The following NCOR1 variants were observed in gnomAD, a reference collection of about 807,000 sequenced individuals.
The protein encoded by NCOR1 is protein phosphatase 1, regulatory subunit 109.
Under a neutral mutation model 288.1 loss-of-function variants are expected in NCOR1, and 63 were observed. That is an observed-to-expected ratio of 0.22 (90% CI 0.18 to 0.27). The LOEUF (loss-of-function observed/expected upper bound fraction) is 0.27, where lower values mean the gene tolerates loss of function less well. Among genes scored for constraint, NCOR1 ranks in the 10% least tolerant of loss-of-function variants. The probability of loss-of-function intolerance (pLI) is 1.00; values close to 1 mark genes in which losing one functional copy is unlikely to be tolerated. For synonymous variants in NCOR1, 1,007 were observed against 1,065.9 expected (o/e 0.94, Z 1.08); for missense variants, 2,397 against 3,019.2 (o/e 0.79, Z 4.83).
intron 18 of NCOR1, among the ~76,000 whole-genome samples, chr17:16,114,936 ACCC>A (rs2071252515): frequency 6.6e-6 from 1 of 151,540 alleles, no homozygotes; most frequent in Non-Finnish European, 1.5e-5. Flanking sequence ...AGGGAGTCTG[ACCC>A]CCCATTTCCC....
intron 1 of NCOR1, among the ~76,000 whole-genome samples, chr17:16,208,713 G>A (rs1185304487): frequency 6.6e-6 from 1 of 152,006 alleles, no homozygotes; most frequent in East Asian, 1.9e-4. Context: ...ACCAGGTGTG[G>A]TGGCACACAC....
chr17:16,145,079 TTGGTGGAGACGG>T (rs948206580), intron 10 of NCOR1, among the ~76,000 whole-genome samples: 28 of 152,248 alleles, frequency 1.8e-4, no homozygotes, highest in Non-Finnish European at 3.8e-4. Context: ...TTTGTATTTT[TTGGTGGAGACGG>T]GGTTTCGCCG....
chr17:16,183,389 G>C (rs1207076989), intron 3 of NCOR1, among the ~76,000 whole-genome samples: 1 of 150,550 alleles, frequency 6.6e-6, no homozygotes, highest in Admixed American at 6.6e-5. Flanking sequence ...TAGAATAAAT[G>C]AATCCAGTAA....
At chr17:16,148,726 C>T (rs937704845) in intron 9 of NCOR1, among the ~76,000 whole-genome samples, 3 of 123,904 alleles carry the variant, frequency 2.4e-5, no homozygotes, top group Non-Finnish European at 4.8e-5. Context: ...AGTATCTGAT[C>T]AGACTGGCAA....
At position 16,031,466 on chromosome 17, in the gene NCOR1, G is replaced by C; in HGVS notation, c.*830C>G. 1 of 197,968 alleles carries C rather than the reference G, an allele frequency of 5.1e-6. No individual in the cohort carries two copies. Among genetic ancestry groups the C allele is most frequent in the Non-Finnish European group, 1.0e-5 (1 of 95,680 alleles). 12.3% of individuals were successfully genotyped at this position (197,968 alleles called of 1,614,324 possible). ...CTTTGTTGGGCTGCATCAAATGCAG[G>C]AGAAAAGGAATACTTAGGGGCATGG... is the stretch of plus-strand genomic sequence containing the variant. On this transcript the variant is annotated 3_prime_UTR_variant, in exon 46 of 46. Coordinates refer to ENST00000268712, the MANE Select transcript of NCOR1 (RefSeq NM_006311.4).
chr17:16,107,852 G>T (rs1290875293), intron 19 of NCOR1, among the ~76,000 whole-genome samples: 2 of 151,932 alleles, frequency 1.3e-5, no homozygotes, highest in Non-Finnish European at 2.9e-5. Context: ...TAAGGTTAGG[G>T]GTTGTTCAAA....
intron 42 of NCOR1, chr17:16,041,270 G>C (rs1404407346): frequency 6.6e-6 from 1 of 152,212 alleles, no homozygotes; most frequent in Non-Finnish European, 1.5e-5. Flanking sequence ...CAGTGTGCCA[G>C]AAAGGGGAAG....
At chr17:16,150,741 C>T (rs1406818859) in intron 8 of NCOR1, among the ~76,000 whole-genome samples, 1 of 151,208 alleles carries the variant, frequency 6.6e-6, no homozygotes, top group African/African-American at 2.4e-5. Flanking sequence ...CCAACTAGAT[C>T]TTATCTGCTC....
intron 5 of NCOR1, among the ~76,000 whole-genome samples, chr17:16,161,262 C>T (rs1156240613): frequency 6.6e-6 from 1 of 150,454 alleles, no homozygotes; most frequent in Admixed American, 6.6e-5. Flanking sequence ...CACACACACA[C>T]ACACACACAC....
intron 28 of NCOR1, 50 bp from the exon 29 acceptor site, chr17:16,072,278 A>G (rs770588629): frequency 6.2e-6 from 8 of 1,280,894 alleles, no homozygotes; most frequent in East Asian, 4.7e-5. Context: ...GTATATGTCA[A>G]CTCACATATA....
chr17:16,104,877 T>C (rs1242547186), intron 19 of NCOR1, among the ~76,000 whole-genome samples: 2 of 151,968 alleles, frequency 1.3e-5, no homozygotes, highest in African/African-American at 4.8e-5. Flanking sequence ...AAAAGTGATA[T>C]CTGAACAGAG....
Position 16,151,198 on chromosome 17 carries a change from T to C in NCOR1, c.842+748A>G, listed in dbSNP as rs986602745. 4.1e-5 allele frequency among the ~76,000 whole-genome samples: 5 copies of C among 121,548 alleles called. No homozygotes were observed. The East Asian group carries it at 7.8e-4, about 19-fold the overall frequency. 79.7% of individuals were successfully genotyped at this position (121,548 alleles called of 152,430 possible). On this transcript the variant is annotated intron_variant, in intron 8 of 45. Transcript: ENST00000268712. ...ATGCACCTAAAATTCTCTTAAAGTA[T>C]AATTTTTTTTTTAAAAAAAAGATAT...
chr17:16,089,533 T>A (rs560139945), intron 22 of NCOR1, among the ~76,000 whole-genome samples: 2 of 152,100 alleles, frequency 1.3e-5, no homozygotes, highest in Non-Finnish European at 1.5e-5. Flanking sequence ...CCATTCACAT[T>A]AAGAGAAATA....
At chr17:16,112,144 C>G (rs1217155242) in intron 18 of NCOR1, among the ~76,000 whole-genome samples, 1 of 152,166 alleles carries the variant, frequency 6.6e-6, no homozygotes, top group Non-Finnish European at 1.5e-5. Flanking sequence ...GCTGAGATTA[C>G]AGGCGTGAGT....
intron 14 of NCOR1, among the ~76,000 whole-genome samples, chr17:16,134,022 A>C (rs1160104263): frequency 6.6e-6 from 1 of 152,158 alleles, no homozygotes; most frequent in African/African-American, 2.4e-5. Flanking sequence ...GTCTCCTTAC[A>C]AACTATTCTC....
intron 40 of NCOR1, among the ~76,000 whole-genome samples, chr17:16,052,943 T>C (rs1311840784): frequency 4.6e-5 from 7 of 151,934 alleles, no homozygotes; most frequent in Admixed American, 4.6e-4. Context: ...GTTGGTTCAA[T>C]ATACACAAAT....
At position 16,186,540 on chromosome 17, in the gene NCOR1, AGAAACCTCAT is replaced by A. The variant is rs780379702; in HGVS notation, c.242+4_242+13del. On this transcript the variant is annotated splice_donor_5th_base_variant and intron_variant, in intron 3 of 45. Transcript: ENST00000268712. ...TTATAATCCTAGATAGAAACATAAA[AGAAACCTCAT>A]TACCTGTCAGAACCTGGGTGAAATT... is the stretch of plus-strand genomic sequence containing the variant. 5 of 1,608,044 alleles carry A rather than the reference AGAAACCTCAT, an allele frequency of 3.1e-6. No homozygotes were observed. In the South Asian group the frequency reaches 4.5e-5, roughly 14 times the overall value.
chr17:16,187,858 C>T (rs545738), intron 2 of NCOR1, among the ~76,000 whole-genome samples: 62,500 of 149,996 alleles, frequency 0.42, 14,809 homozygotes, highest in Middle Eastern at 0.55. Context: ...TCTGATTGTG[C>T]CACTGCACTC....
At chr17:16,131,859 G>A (rs1375479407) in intron 14 of NCOR1, among the ~76,000 whole-genome samples, 1 of 152,124 alleles carries the variant, frequency 6.6e-6, no homozygotes, top group Non-Finnish European at 1.5e-5. Flanking sequence ...GCACTCCAGG[G>A]ACTTTACACA....
Sources: gnomAD v4.1 joint callset for allele counts (sites outside exome capture counted in the v4.1 genomes callset) on GRCh38, gnomAD v4.1.1 for gene constraint, MANE v1.5 for transcripts, NCBI Gene and HGNC (gene_info 2026-07-23, HGNC 2026-07-21) for gene names.